PIGG: variants seen among roughly 807,000 people sequenced by gnomAD.
The protein encoded by PIGG is phosphatidylinositol glycan anchor biosynthesis class G (EMM blood group).
In PIGG, 70 loss-of-function variants were observed where a neutral mutation model predicts 83.2. That is an observed-to-expected ratio of 0.84 (90% CI 0.69 to 1.03). The LOEUF (loss-of-function observed/expected upper bound fraction) is 1.03. Among genes scored for constraint, PIGG ranks in the 50% least tolerant of loss-of-function variants. PIGG has a pLI of 0.00. For synonymous variants in PIGG, 532 were observed against 519.5 expected, an observed-to-expected ratio of 1.02 and a Z score of -0.33; for missense variants, 1,257 against 1,233.6, an observed-to-expected ratio of 1.02 and a Z score of -0.28.
Position 539,450 on chromosome 4 carries a change from T to G in PIGG, c.*81T>G, listed in dbSNP as rs189423907. On this transcript the variant is annotated 3_prime_UTR_variant, in exon 13 of 13. Transcript: ENST00000453061. The stretch of plus-strand genomic sequence containing the variant: ...ATGAAAGATATGAATTCAACAAAGT[T>G]GATGGATAACTTTCTTTGACTGCTC... 3 of 842,002 alleles carry G rather than the reference T, an allele frequency of 3.6e-6. No individual in the cohort carries two copies. The highest frequency in any genetic ancestry group is 1.9e-6 in the Non-Finnish European group (1 of 531,072). The allele number at this position is 842,002 out of a possible 1,614,324, so 52.2% of individuals were successfully genotyped here.
At chr4:523,420 T>G (rs762731137) in intron 8 of PIGG, 39 bp from the exon 9 acceptor site, 13 of 1,419,736 alleles carry the variant, frequency 9.2e-6, no homozygotes, top group Non-Finnish European at 1.3e-5. Flanking sequence ...TGTGTCGTTA[T>G]CAGACCGTCT....
chr4:516,238 C>A, intron 6 of PIGG, 53 bp downstream of exon 6: 4 of 1,238,434 alleles, frequency 3.2e-6, no homozygotes, highest in Non-Finnish European at 4.8e-6. Context: ...TTCCACTGAG[C>A]TCGGGTTTCT....
intron 11 of PIGG, 91 bp from the exon 12 acceptor site, chr4:533,727 A>G: frequency 1.6e-6 from 2 of 1,237,306 alleles, no homozygotes; most frequent in Non-Finnish European, 2.3e-6. Context: ...CTGCCTACAC[A>G]GTTCACGCTA....
At chr4:532,742 G>C (rs1729366391) in intron 11 of PIGG, 1 of 152,404 alleles carries the variant, frequency 6.6e-6, no homozygotes, top group South Asian at 2.1e-4. Context: ...AACAGTTCTG[G>C]TTCTGGAGAG....
At chr4:529,842 T>C (rs1728583055) in intron 10 of PIGG, among the ~76,000 whole-genome samples, 1 of 152,176 alleles carries the variant, frequency 6.6e-6, no homozygotes, top group Non-Finnish European at 1.5e-5. Flanking sequence ...GTAGGAGAGC[T>C]AGTGAGCAGA....
At position 523,917 on chromosome 4, in the gene PIGG, A is replaced by T. The variant is rs1026497355; in HGVS notation, c.2069+4A>T. ...ACCTCGGCCACTGGCTCACCAGGTG[A>T]GAGCGTAGGCCCGTGGCCACAGGCC... On this transcript the variant is annotated splice_donor_region_variant and intron_variant, in intron 9 of 12. Coordinates refer to ENST00000453061, the MANE Select transcript of PIGG (RefSeq NM_001127178.3). The T allele has an allele frequency of 6.6e-7, 1 of 1,509,514 alleles. No individual in the cohort carries two copies. The highest frequency in any genetic ancestry group is 1.4e-5 in the African/African-American group (1 of 72,324). 93.5% of individuals were successfully genotyped at this position (1,509,514 alleles called of 1,614,324 possible).
At chr4:509,544 A>G (rs1339027587) in intron 5 of PIGG, among the ~76,000 whole-genome samples, 5 of 152,124 alleles carry the variant, frequency 3.3e-5, no homozygotes, top group African/African-American at 1.2e-4. Flanking sequence ...TTCTGCTGCC[A>G]CACTCGCTGC....
At chr4:526,364 C>A (rs189970108) in intron 9 of PIGG, among the ~76,000 whole-genome samples, 1 of 152,354 alleles carries the variant, frequency 6.6e-6, no homozygotes, top group African/African-American at 2.4e-5. Flanking sequence ...GGAGCCCGGC[C>A]TTCCCCACCC....
Position 533,912 on chromosome 4 carries a change from T to C in PIGG, c.2666T>C (p.Phe889Ser), listed in dbSNP as rs776079230. 2.5e-6 allele frequency: 4 copies of C among 1,614,166 alleles called. No individual in the cohort carries two copies. Among genetic ancestry groups the C allele is most frequent in the African/African-American group, 1.3e-5 (1 of 75,060 alleles). The change falls in exon 12 of 13, where the codon TTT becomes TCT. Residue 889 changes from phenylalanine to serine, a missense_variant. Physicochemically the swap from Phe to Ser is radical, Grantham distance 155. Transcript: ENST00000453061. ...ATCCCAGCCGTGCTCCTGACAGCGT[T>C]TGGGACGTACGCAGGGCCTGTGCTG... is the stretch of plus-strand genomic sequence containing the variant. ...VEIPAVLLTA[F>S]GTYAGPVLWA...
chr4:523,946 C>T, intron 9 of PIGG, 33 bp downstream of exon 9: 1 of 1,362,506 alleles, frequency 7.3e-7, no homozygotes, highest in Non-Finnish European at 9.8e-7. Flanking sequence ...ACAGGCCAGA[C>T]TTTCTACGGC....
At position 515,762 on chromosome 4, in the gene PIGG, A is replaced by G. The variant is rs1723622682; in HGVS notation, c.902-211A>G. Among the ~76,000 whole-genome samples, 1 of 152,260 alleles carries G rather than the reference A, an allele frequency of 6.6e-6. No individual in the cohort carries two copies. The highest frequency in any genetic ancestry group is 6.5e-5 in the Admixed American group (1 of 15,284). The stretch of plus-strand genomic sequence containing the variant: ...CCTCTCTCGCAGCCTGTTGCAGGCT[A>G]CTGAAGGAAAGACACCGTCCCTGGC... On this transcript the variant is annotated intron_variant, in intron 5 of 12. Transcript: ENST00000453061. The surrounding 1 kb of genome is among the most constrained non-coding windows in gnomAD (Gnocchi z 4.2).
intron 1 of PIGG, chr4:500,166 C>G (rs1420582652): frequency 1.6e-5 from 9 of 558,172 alleles, no homozygotes; most frequent in Non-Finnish European, 2.6e-5. Flanking sequence ...CTTCACCATA[C>G]TGAGGATAAT....
In PIGG at chr4:515,969, C is replaced by G. The variant is rs1166360155; in HGVS notation, c.902-4C>G. On this transcript the variant is annotated splice_region_variant and splice_polypyrimidine_tract_variant and intron_variant, in intron 5 of 12. Transcript: ENST00000453061. The surrounding 1 kb of genome is among the most constrained non-coding windows in gnomAD (Gnocchi z 4.2). Reference sequence around the variant, plus strand: ...TGTTACTTAAAATGTTTTCTTTCTTCTAGGTGATATCCGACATCCAAAGCA... The same window carrying G: ...TGTTACTTAAAATGTTTTCTTTCTTGTAGGTGATATCCGACATCCAAAGCA... 1.9e-6 allele frequency: 3 copies of G among 1,611,340 alleles called. No homozygotes were observed. The highest frequency in any genetic ancestry group is 1.3e-5 in the African/African-American group (1 of 75,002).
At position 501,061 on chromosome 4, in the gene PIGG, C is replaced by T. The variant is rs1194485320; in HGVS notation, c.360+460C>T. ...ACATAATGATCAAATCAGTATGTTC[C>T]GGCCTCAACAATTACCACTGTTTCC... On this transcript the variant is annotated intron_variant, in intron 2 of 12. Coordinates refer to ENST00000453061, the MANE Select transcript of PIGG (RefSeq NM_001127178.3). The T allele has an allele frequency of 1.8e-5, 8 of 453,514 alleles. No individual in the cohort carries two copies. The East Asian group carries it at 3.5e-4, about 20-fold the overall frequency. 28.1% of individuals were successfully genotyped at this position (453,514 alleles called of 1,614,324 possible).
chr4:515,991 AG>A lies in PIGG; in HGVS notation c.921del (p.Lys307AsnfsTer14), dbSNP rs751518207. 6.2e-7 allele frequency: 1 copy of A among 1,614,114 alleles called. No homozygotes were observed. The highest frequency in any genetic ancestry group is 8.5e-7 in the Non-Finnish European group (1 of 1,179,908). ...ERKPGDIRHP[K>X]HVQQTDVAAT... ...CTTCTAGGTGATATCCGACATCCAA[AG>A]CACGTCCAACAGACGGATGTGGCTG... On this transcript the variant is annotated frameshift_variant, in exon 6 of 13. Transcript: ENST00000453061. LOFTEE classifies it high-confidence loss of function. This position sits in a 1 kb window ranked among gnomAD's most constrained non-coding sequence, Gnocchi z 4.2.
At chr4:525,123 G>T (rs557502109) in intron 9 of PIGG, 128 of 928,810 alleles carry the variant, frequency 1.4e-4, no homozygotes, top group South Asian at 4.5e-4. Flanking sequence ...CCTTAGCAAA[G>T]CTCCTTTCTC....
Position 521,095 on chromosome 4 carries a change from A to G in PIGG, c.1154A>G (p.His385Arg). The change falls in exon 7 of 13, where the codon CAT becomes CGT. Residue 385 changes from histidine (H) to arginine (R), a missense_variant. Transcript: ENST00000453061. Reference sequence around the variant, plus strand: ...CAGTTTAAAATGTCAGAAAGATTGCATGGGAACTGGATCAGACTGTACTTG... The same window carrying G: ...CAGTTTAAAATGTCAGAAAGATTGCGTGGGAACTGGATCAGACTGTACTTG... The part of the protein sequence containing the change: ...FEQFKMSERL[H>R]GNWIRLYLEE... The G allele has an allele frequency of 1.2e-6, 2 of 1,614,186 alleles. No individual in the cohort carries two copies. Among genetic ancestry groups the G allele is most frequent in the Non-Finnish European group, 8.5e-7 (1 of 1,180,004 alleles).
intron 5 of PIGG, 136 bp downstream of exon 5, chr4:509,106 T>C (rs912784742): frequency 9.4e-6 from 6 of 636,818 alleles, no homozygotes; most frequent in African/African-American, 9.2e-5. Flanking sequence ...TGAAAAGTAA[T>C]TGGGCAAAAG....
rs567840583 is a variant in PIGG, at chr4:515,822, C to T, written c.902-151C>T. 2.3e-5 allele frequency: 15 copies of T among 657,168 alleles called. No homozygotes were observed. The highest frequency in any genetic ancestry group is 4.1e-5 in the Non-Finnish European group (15 of 370,120). 40.7% of individuals were successfully genotyped at this position (657,168 alleles called of 1,614,324 possible). On this transcript the variant is annotated intron_variant, in intron 5 of 12. Coordinates refer to ENST00000453061, the MANE Select transcript of PIGG (RefSeq NM_001127178.3). The surrounding 1 kb of genome is among the most constrained non-coding windows in gnomAD (Gnocchi z 4.2). ...GTTCGGTAACTATCAACACAGCAAG[C>T]ACAGGAGGTGATTCCTGTACGATTC... is the stretch of plus-strand genomic sequence containing the variant.
Sources: gnomAD v4.1 joint callset for allele counts (sites outside exome capture counted in the v4.1 genomes callset) on GRCh38, gnomAD v4.1.1 for gene constraint, Gnocchi (gnomAD v3.1) non-coding constraint, MANE v1.5 for transcripts, NCBI Gene and HGNC (gene_info 2026-07-23, HGNC 2026-07-21) for gene names.